Variants in BRD8 observed in about 807,000 individuals in gnomAD.
The protein encoded by BRD8 is bromodomain-containing protein 8.
A neutral mutation model predicts 143.1 loss-of-function variants in BRD8; 67 were observed. The observed-to-expected ratio is 0.47, with a 90% CI of 0.38 to 0.57. The LOEUF (loss-of-function observed/expected upper bound fraction) is 0.57, where lower values mean the gene tolerates loss of function less well. Among genes scored for constraint, BRD8 ranks in the 20% least tolerant of loss-of-function variants. BRD8 has a pLI of 0.00. For synonymous variants in BRD8, 505 were observed against 517.1 expected (o/e 0.98, Z 0.32); for missense variants, 1,103 against 1,503.0 (o/e 0.73, Z 4.40).
At chr5:138,169,133 TCTAGGC>T in intron 8 of BRD8, 83 bp downstream of exon 8, 2 of 1,447,026 alleles carry the variant, frequency 1.4e-6, no homozygotes, top group South Asian at 2.7e-5. Context: ...GGAAGTTGCC[TCTAGGC>T]CAAAAGTGGT....
intron 1 of BRD8, among the ~76,000 whole-genome samples, chr5:138,178,282 G>A (rs961700826): frequency 2.0e-5 from 3 of 152,154 alleles, no homozygotes; most frequent in Non-Finnish European, 2.9e-5. Context: ...CGGTTACTCC[G>A]TCTGGCTCAT....
intron 19 of BRD8, among the ~76,000 whole-genome samples, 180 bp from the exon 20 acceptor site, chr5:138,159,779 T>C (rs1287401226): frequency 6.6e-6 from 1 of 152,178 alleles, no homozygotes; most frequent in Non-Finnish European, 1.5e-5. Flanking sequence ...CAGAAACTGA[T>C]GGTCCCCAAC....
At chr5:138,175,560 T>A (rs1167768677) in intron 2 of BRD8, among the ~76,000 whole-genome samples, 2 of 149,226 alleles carry the variant, frequency 1.3e-5, no homozygotes, top group Non-Finnish European at 3.0e-5. Flanking sequence ...AAAAAATTAG[T>A]CAAGCATGGT....
chr5:138,170,679 C>G lies in BRD8; in HGVS notation c.440+153G>C, dbSNP rs187796423. ...ATATTACCTTCTAGGACTCACTCCC[C>G]CCTCCCAGCCACCAAACCACTTTGC... On this transcript the variant is annotated intron_variant, in intron 6 of 26. Coordinates refer to ENST00000254900, the MANE Select transcript of BRD8 (RefSeq NM_139199.2). 5.4e-3 allele frequency: 4,096 copies of G among 760,564 alleles called. 16 individuals carry two copies. Among genetic ancestry groups the G allele is most frequent in the Non-Finnish European group, 7.4e-3 (3,224 of 436,098 alleles). 47.1% of individuals were successfully genotyped at this position (760,564 alleles called of 1,614,324 possible).
Position 138,140,763 on chromosome 5 carries a change from T to A in BRD8, c.3557A>T (p.Asp1186Val). 1.2e-6 allele frequency: 2 copies of A among 1,614,192 alleles called. No individual in the cohort carries two copies. The highest frequency in any genetic ancestry group is 3.3e-4 in the Middle Eastern group (2 of 6,062). The change falls in exon 26 of 27, where the codon GAT becomes GTT. Residue 1186 changes from aspartate (D) to valine (V), a missense_variant. Physicochemically the swap from Asp to Val is radical, Grantham distance 152. This residue lies in a region of BRD8 where 369 missense variants were observed against 445.5 expected (regional missense o/e 0.83). Transcript: ENST00000254900. ...FQNAVMYNDS[D>V]HHVYHMAVEM... Reference sequence around the variant, plus strand: ...CACAGCCATATGGTATACATGATGATCAGAGTCATTGTACATTACAGCATT... The same window carrying A: ...CACAGCCATATGGTATACATGATGAACAGAGTCATTGTACATTACAGCATT...
rs577925053 is a variant in BRD8, at chr5:138,170,890, G to A, written c.382C>T (p.Leu128=). ...RYRRLKRDAE[L]IQAGHMDSRL... ...CTGTCCATGTGTCCAGCTTGAATTA[G>A]TTCTGCATCTCTCTTTAGCCGTCTA... The change falls in exon 6 of 27, where the codon CTA becomes TTA. Residue 128 remains leucine (L), a synonymous_variant. Coordinates refer to ENST00000254900, the MANE Select transcript of BRD8 (RefSeq NM_139199.2). 7.3e-5 allele frequency: 118 copies of A among 1,614,148 alleles called. No individual in the cohort carries two copies. In the East Asian group the frequency reaches 1.8e-3, roughly 25 times the overall value.
rs1753375335 is a variant in BRD8, at chr5:138,165,820, A to G, written c.1278+8T>C. The G allele has an allele frequency of 1.2e-6, 2 of 1,611,414 alleles. No homozygotes were observed. The highest frequency in any genetic ancestry group is 1.7e-6 in the Non-Finnish European group (2 of 1,178,242). On this transcript the variant is annotated splice_region_variant and intron_variant, in intron 11 of 26. Transcript: ENST00000254900. ...ATGAGATTCTCTGGGGCTTCGCTGA[A>G]TAGTTACCTTGTCCTCAATGATGGC...
At chr5:138,156,268 T>C (rs1344181811) in intron 20 of BRD8, among the ~76,000 whole-genome samples, 1 of 152,014 alleles carries the variant, frequency 6.6e-6, no homozygotes, top group Non-Finnish European at 1.5e-5. Context: ...GCCTCTCAAA[T>C]AGCTGGGACT....
At chr5:138,165,207 A>C in intron 11 of BRD8, 41 bp from the exon 12 acceptor site, 1 of 1,578,536 alleles carries the variant, frequency 6.3e-7, no homozygotes, top group Non-Finnish European at 8.6e-7. Flanking sequence ...CACAGAAAGA[A>C]GCCCAAGTCC....
chr5:138,170,768 ATTAC>A, intron 6 of BRD8, 60 bp downstream of exon 6: 5 of 1,429,508 alleles, frequency 3.5e-6, no homozygotes, highest in Non-Finnish European at 3.9e-6. Context: ...AATAAGCCAG[ATTAC>A]TTGAGGGGAA....
chr5:138,145,138 T>G, intron 25 of BRD8, 39 bp downstream of exon 25: 1 of 1,576,640 alleles, frequency 6.3e-7, no homozygotes, highest in East Asian at 2.2e-5. Flanking sequence ...AAGGCAGATA[T>G]AAAAGCAACC....
chr5:138,171,397 T>C lies in BRD8; in HGVS notation c.200A>G (p.Gln67Arg), dbSNP rs1753852898. The change falls in exon 4 of 27, where the codon CAG (glutamine) becomes CGG (arginine). Residue 67 changes from glutamine (Q) to arginine (R), a missense_variant. This residue lies in a region of BRD8 where 69 missense variants were observed against 121.6 expected (regional missense o/e 0.57). Transcript: ENST00000254900. ...DWFSQKHCAS[Q>R]YSELLETTET... ...AGTGGTCTCTAAAAGCTCCGAGTAC[T>C]GGGAAGCACAATGCTATTAAAAAAA... The C allele has an allele frequency of 1.9e-6, 3 of 1,584,446 alleles. No individual in the cohort carries two copies. The highest frequency in any genetic ancestry group is 2.6e-6 in the Non-Finnish European group (3 of 1,169,844).
chr5:138,143,493 A>C (rs898225539), intron 25 of BRD8, among the ~76,000 whole-genome samples: 1 of 152,128 alleles, frequency 6.6e-6, no homozygotes, highest in African/African-American at 2.4e-5. Flanking sequence ...TTTTAAATAA[A>C]AAATAAAAAT....
At chr5:138,156,855 C>G (rs1752629737) in intron 20 of BRD8, 2 of 1,047,618 alleles carry the variant, frequency 1.9e-6, no homozygotes, top group Non-Finnish European at 1.1e-6. Flanking sequence ...CACACACACA[C>G]ACACACACAC....
intron 8 of BRD8, chr5:138,168,821 C>G (rs894296041): frequency 1.9e-5 from 12 of 627,764 alleles, no homozygotes; most frequent in Admixed American, 3.3e-5. Flanking sequence ...CTCTATCCCT[C>G]CTGCTCTTAG....
At position 138,163,362 on chromosome 5, in the gene BRD8, C is replaced by A. The variant is rs572444536; in HGVS notation, c.1873-18G>T. 231 of 1,611,958 alleles carry A rather than the reference C, an allele frequency of 1.4e-4. 2 individuals are homozygous for A. The South Asian group carries it at 2.5e-3, about 17-fold the overall frequency. On this transcript the variant is annotated intron_variant, in intron 14 of 26. Coordinates refer to ENST00000254900, the MANE Select transcript of BRD8 (RefSeq NM_139199.2). ...GGGGCATCCTTAGATACAGTATGCT[C>A]CAGTTAACAAATGCAAGCAAAGCTA...
At chr5:138,161,162 T>C in intron 17 of BRD8, 94 bp from the exon 18 acceptor site, 1 of 992,954 alleles carries the variant, frequency 1.0e-6, no homozygotes, top group African/African-American at 1.7e-5. Flanking sequence ...TTCTCATATA[T>C]ACCTTAACTC....
chr5:138,164,818 C>T lies in BRD8; in HGVS notation c.1627G>A (p.Asp543Asn), dbSNP rs556131819. ...SMEPPELRSQ[D>N]LDEELGSTAA... Reference sequence around the variant, plus strand: ...GTACTTCCCAGTTCCTCATCTAAGTCCTGACTCCTGAGTTCTGGTGGCTCC... The same window carrying T: ...GTACTTCCCAGTTCCTCATCTAAGTTCTGACTCCTGAGTTCTGGTGGCTCC... The change falls in exon 12 of 27, where the codon GAC becomes AAC. Residue 543 changes from aspartate to asparagine, a missense_variant. Around this residue, in one of 7 missense-constraint regions of BRD8, gnomAD observed 139 missense variants for 139.0 expected, o/e 1.00. Coordinates refer to ENST00000254900, the MANE Select transcript of BRD8 (RefSeq NM_139199.2). 2.7e-5 allele frequency: 43 copies of T among 1,614,228 alleles called. 1 individual carries two copies. In the South Asian group the frequency reaches 4.3e-4, roughly 16 times the overall value.
chr5:138,164,262 C>A, intron 13 of BRD8, 58 bp downstream of exon 13: 1 of 1,594,564 alleles, frequency 6.3e-7, no homozygotes, highest in Non-Finnish European at 8.6e-7. Flanking sequence ...CCACAACCCA[C>A]AACCCCTCAG....
Sources: allele counts gnomAD v4.1 joint callset (sites outside exome capture counted in the v4.1 genomes callset), GRCh38; gene constraint gnomAD v4.1.1; regional missense constraint gnomAD v4.1.1; transcripts MANE v1.5; gene names NCBI Gene and HGNC (gene_info 2026-07-23, HGNC 2026-07-21).